OGDH: variants seen among roughly 807,000 people sequenced by gnomAD.
OGDH encodes oxoglutarate dehydrogenase.
A neutral mutation model predicts 116.6 loss-of-function variants in OGDH; 38 were observed. That is an observed-to-expected ratio of 0.33 (90% CI 0.25 to 0.43). The LOEUF is 0.43. Ranked by LOEUF, OGDH falls within the 20% of genes least tolerant of loss-of-function variation. The pLI is 1.00. For missense variants in OGDH, 825 were observed against 1,357.2 expected (o/e 0.61, Z 6.16); for synonymous variants, 488 against 533.3 (o/e 0.92, Z 1.17).
rs184487524 is a variant in OGDH at position 44,654,652 on chromosome 7, A to T, written c.517+6893A>T. Among the ~76,000 whole-genome samples, 390 of 152,340 alleles carry T rather than the reference A, an allele frequency of 2.6e-3. 3 individuals carry two copies. The highest frequency in any genetic ancestry group is 8.6e-3 in the African/African-American group (358 of 41,586). On this transcript the variant is annotated intron_variant, in intron 4 of 22. Coordinates refer to ENST00000222673, the MANE Select transcript of OGDH (RefSeq NM_002541.4). ...GACTCGGGAGGGCGGGGCCAAGCTA[A>T]GAACATAACCAGGGTGGTTGAAGCC...
chr7:44,620,796 T>C (rs1355821376), intron 1 of OGDH, among the ~76,000 whole-genome samples: 1 of 152,066 alleles, frequency 6.6e-6, no homozygotes, highest in Non-Finnish European at 1.5e-5. Flanking sequence ...TTAGTGTTAG[T>C]GTATTTTATG....
intron 4 of OGDH, among the ~76,000 whole-genome samples, chr7:44,648,728 C>T (rs1786303521): frequency 2.6e-5 from 4 of 152,146 alleles, no homozygotes; most frequent in Admixed American, 2.6e-4. Flanking sequence ...AGGCATTAAT[C>T]ATCAAACATC....
intron 1 of OGDH, among the ~76,000 whole-genome samples, chr7:44,610,897 C>A (rs971602528): frequency 7.2e-5 from 11 of 152,032 alleles, no homozygotes; most frequent in African/African-American, 2.4e-4. Flanking sequence ...CGTGAGCCAC[C>A]GCGCTCAGCC....
At chr7:44,640,593 G>A (rs182365218) in intron 2 of OGDH, among the ~76,000 whole-genome samples, 4 of 152,304 alleles carry the variant, frequency 2.6e-5, no homozygotes, top group Admixed American at 2.6e-4. Flanking sequence ...CTGTACAGCT[G>A]GAGAGACTCT....
chr7:44,612,250 T>C (rs1316828073), intron 1 of OGDH, among the ~76,000 whole-genome samples: 1 of 152,232 alleles, frequency 6.6e-6, no homozygotes, highest in East Asian at 1.9e-4. Context: ...TGCATTCCAT[T>C]GATCTTTGTG....
chr7:44,662,663 A>G (rs550724145), intron 4 of OGDH, among the ~76,000 whole-genome samples: 24 of 151,998 alleles, frequency 1.6e-4, no homozygotes, highest in African/African-American at 7.2e-5. Flanking sequence ...GGGTTTCACC[A>G]TGTTGGTCAG....
At chr7:44,676,499 G>A in intron 9 of OGDH, 1 of 332,132 alleles carries the variant, frequency 3.0e-6, no homozygotes, top group Middle Eastern at 1.0e-3. Context: ...AGGTTGCAGT[G>A]AGCCGAGATT....
In OGDH at chr7:44,707,840, T is replaced by C. The variant is rs1412638940; in HGVS notation, c.2952-39T>C. On this transcript the variant is annotated intron_variant, in intron 22 of 22. Transcript: ENST00000222673. This position sits in a 1 kb window ranked among gnomAD's most constrained non-coding sequence, Gnocchi z 5.2. The stretch of plus-strand genomic sequence containing the variant: ...AGAGGGATGGGCTGGGCCAACTCAG[T>C]GTCCCCTGCCCTCACTGCCCCCTCC... The C allele has an allele frequency of 6.2e-7, 1 of 1,608,570 alleles. No individual in the cohort carries two copies. The highest frequency in any genetic ancestry group is 2.2e-5 in the East Asian group (1 of 44,844).
intron 1 of OGDH, among the ~76,000 whole-genome samples, chr7:44,611,612 T>A (rs184515018): frequency 2.3e-4 from 35 of 152,016 alleles, no homozygotes; most frequent in Non-Finnish European, 3.8e-4. Context: ...GGTTTTGCCA[T>A]GTTGCCCAGA....
At chr7:44,648,254 G>T (rs765371501) in intron 4 of OGDH, among the ~76,000 whole-genome samples, 15 of 152,226 alleles carry the variant, frequency 9.9e-5, no homozygotes, top group Non-Finnish European at 1.8e-4. Context: ...CTCCTGATTT[G>T]TAATTGCTGG....
intron 8 of OGDH, among the ~76,000 whole-genome samples, chr7:44,675,643 T>C (rs1453301575): frequency 6.6e-6 from 1 of 152,096 alleles, no homozygotes; most frequent in Admixed American, 6.6e-5. Context: ...TTTGGGAGGC[T>C]GAGGCAGGCG....
At chr7:44,665,059 C>T (rs1787122032) in intron 4 of OGDH, among the ~76,000 whole-genome samples, 1 of 152,234 alleles carries the variant, frequency 6.6e-6, no homozygotes, top group Admixed American at 6.5e-5. Flanking sequence ...CAGTCAGCTG[C>T]ACCTGGCCTG....
intron 10 of OGDH, 67 bp downstream of exon 10, chr7:44,681,915 A>G: frequency 1.3e-6 from 2 of 1,570,570 alleles, no homozygotes; most frequent in Non-Finnish European, 1.7e-6. Context: ...TCTCTGAGTC[A>G]TTTAGGACGT....
chr7:44,661,467 T>A (rs528848626), intron 4 of OGDH, among the ~76,000 whole-genome samples: 55 of 152,288 alleles, frequency 3.6e-4, no homozygotes, highest in African/African-American at 1.3e-3. Context: ...ATTATTGGTA[T>A]GTTAGGGCTC....
Position 44,612,163 on chromosome 7 carries a change from C to A in OGDH, c.-28+5510C>A, listed in dbSNP as rs1284022314. Among the ~76,000 whole-genome samples the A allele has an allele frequency of 2.6e-5, 4 of 152,160 alleles. No individual in the cohort carries two copies. In the South Asian group the frequency reaches 8.3e-4, roughly 32 times the overall value. The stretch of plus-strand genomic sequence containing the variant: ...CCGTTTGTTTGAGAAGACTGTTTTT[C>A]TTCCATTGAATTGCTTTTGCACTTT... On this transcript the variant is annotated intron_variant, in intron 1 of 22. Coordinates refer to ENST00000222673, the MANE Select transcript of OGDH (RefSeq NM_002541.4).
intron 12 of OGDH, among the ~76,000 whole-genome samples, chr7:44,695,502 C>T (rs987631940): frequency 1.3e-5 from 2 of 151,866 alleles, no homozygotes; most frequent in Non-Finnish European, 2.9e-5. Flanking sequence ...GTCAAGAGAT[C>T]GAGACCATCC....
At chr7:44,684,914 A>G (rs988482782) in intron 10 of OGDH, among the ~76,000 whole-genome samples, 1 of 151,910 alleles carries the variant, frequency 6.6e-6, no homozygotes, top group African/African-American at 2.4e-5. Context: ...CTGTCTCCCA[A>G]GTAGCTGGGA....
intron 10 of OGDH, among the ~76,000 whole-genome samples, chr7:44,689,013 G>T (rs538939344): frequency 3.4e-4 from 52 of 151,858 alleles, no homozygotes; most frequent in African/African-American, 1.2e-3. Context: ...GCCTCCCAAG[G>T]TGCTCTTATT....
chr7:44,618,111 A>G (rs373468592), intron 1 of OGDH, among the ~76,000 whole-genome samples: 22 of 152,116 alleles, frequency 1.4e-4, no homozygotes, highest in African/African-American at 4.3e-4. Flanking sequence ...TCTTTGTACA[A>G]CTTATTTTTC....
Sources: allele counts gnomAD v4.1 joint callset (sites outside exome capture counted in the v4.1 genomes callset), GRCh38; gene constraint gnomAD v4.1.1; non-coding constraint Gnocchi (gnomAD v3.1); transcripts MANE v1.5; gene names NCBI Gene and HGNC (gene_info 2026-07-23, HGNC 2026-07-21).